Variants in DRC11 observed in about 807,000 individuals in gnomAD.
DRC11 encodes the protein dynein regulatory complex subunit 11.
At chr2:236,479,227 G>T in the DRC11 span, among the ~76,000 whole-genome samples, 1 of 152,100 alleles carries the variant, frequency 6.6e-6, no homozygotes, top group Non-Finnish European at 1.5e-5. The surrounding 1 kb of genome is among the most constrained non-coding windows in gnomAD (Gnocchi z 4.1). Context: ...GTCCATGTGT[G>T]TCTTTATAGG....
At chr2:236,435,236 T>C in the DRC11 span, among the ~76,000 whole-genome samples, 152,398 of 152,400 alleles carry the variant, frequency 1, 76,198 homozygotes, top group Middle Eastern at 1. Context: ...TTAACGAATT[T>C]CCTGTTAAAG....
chr2:236,428,954 A>G, the DRC11 span, among the ~76,000 whole-genome samples: 1 of 152,298 alleles, frequency 6.6e-6, no homozygotes, highest in East Asian at 1.9e-4. Flanking sequence ...AGTTACTGAA[A>G]GTTTATTGTG....
At chr2:236,322,132 A>C in the DRC11 span, among the ~76,000 whole-genome samples, 2 of 152,060 alleles carry the variant, frequency 1.3e-5, no homozygotes, top group African/African-American at 4.8e-5. Context: ...GTAAGAGAGA[A>C]TGCCTCTGAC....
the DRC11 span, among the ~76,000 whole-genome samples, chr2:236,468,867 G>C: frequency 6.6e-6 from 1 of 152,220 alleles, no homozygotes; most frequent in Non-Finnish European, 1.5e-5. Context: ...ACTGTATAAT[G>C]TATCATCTGA....
the DRC11 span, among the ~76,000 whole-genome samples, chr2:236,359,362 A>C: frequency 2.0e-5 from 3 of 152,138 alleles, no homozygotes; most frequent in African/African-American, 7.2e-5. This position sits in a 1 kb window ranked among gnomAD's most constrained non-coding sequence, Gnocchi z 4.3. Context: ...AATGATCACA[A>C]AATGGATTTG....
chr2:236,456,826 C>T, the DRC11 span, among the ~76,000 whole-genome samples: 1 of 152,206 alleles, frequency 6.6e-6, no homozygotes, highest in Non-Finnish European at 1.5e-5. The surrounding 1 kb of genome is among the most constrained non-coding windows in gnomAD (Gnocchi z 5.4). Flanking sequence ...AATGGCAATG[C>T]TCCACGATGG....
the DRC11 span, among the ~76,000 whole-genome samples, chr2:236,429,557 T>C: frequency 6.6e-6 from 1 of 151,824 alleles, no homozygotes; most frequent in Non-Finnish European, 1.5e-5. This position sits in a 1 kb window ranked among gnomAD's most constrained non-coding sequence, Gnocchi z 5.9. Flanking sequence ...GTGCATGCAG[T>C]GGTGGGGTTG....
At chr2:236,416,183 G>T in the DRC11 span, among the ~76,000 whole-genome samples, 4 of 152,204 alleles carry the variant, frequency 2.6e-5, no homozygotes, top group Non-Finnish European at 5.9e-5. Context: ...TGATGCAATT[G>T]CAAGAGAGCT....
At chr2:236,351,323 G>T in the DRC11 span, among the ~76,000 whole-genome samples, 16 of 152,214 alleles carry the variant, frequency 1.1e-4, no homozygotes, top group South Asian at 3.3e-3. This position sits in a 1 kb window ranked among gnomAD's most constrained non-coding sequence, Gnocchi z 7.3. Context: ...GTGGGCGGGT[G>T]GGGGGAACCA....
chr2:236,337,956 AATC>A, the DRC11 span, among the ~76,000 whole-genome samples: 566 of 152,352 alleles, frequency 3.7e-3, 3 homozygotes, highest in African/African-American at 0.013. This position sits in a 1 kb window ranked among gnomAD's most constrained non-coding sequence, Gnocchi z 4.9. Context: ...CAGGGCCAGA[AATC>A]ATAATCCTTG....
chr2:236,390,002 A>G, the DRC11 span, among the ~76,000 whole-genome samples: 2 of 152,196 alleles, frequency 1.3e-5, no homozygotes, highest in Admixed American at 1.3e-4. This position sits in a 1 kb window ranked among gnomAD's most constrained non-coding sequence, Gnocchi z 5.9. Context: ...TCTGGTCCCT[A>G]GTATTATTCA....
chr2:236,360,714 CAG>C, the DRC11 span, among the ~76,000 whole-genome samples: 1 of 152,130 alleles, frequency 6.6e-6, no homozygotes, highest in South Asian at 2.1e-4. This position sits in a 1 kb window ranked among gnomAD's most constrained non-coding sequence, Gnocchi z 5.8. Context: ...AGATGAAAAA[CAG>C]AGAACGCAGC....
At chr2:236,331,264 G>C in the DRC11 span, 1 of 906,678 alleles carries the variant, frequency 1.1e-6, no homozygotes, top group African/African-American at 1.6e-5. The surrounding 1 kb of genome is among the most constrained non-coding windows in gnomAD (Gnocchi z 4.8). Flanking sequence ...GTATATGGCC[G>C]AGTTCCAATT....
the DRC11 span, among the ~76,000 whole-genome samples, chr2:236,506,787 C>A: frequency 6.6e-6 from 1 of 152,246 alleles, no homozygotes; most frequent in Admixed American, 6.5e-5. The surrounding 1 kb of genome is among the most constrained non-coding windows in gnomAD (Gnocchi z 4.9). Context: ...TAGGCACACA[C>A]TTCTTTCAGT....
chr2:236,490,699 T>A, the DRC11 span, among the ~76,000 whole-genome samples: 1 of 152,084 alleles, frequency 6.6e-6, no homozygotes, highest in Admixed American at 6.6e-5. The surrounding 1 kb of genome is among the most constrained non-coding windows in gnomAD (Gnocchi z 5.5). Context: ...CAAACATTTT[T>A]AAGCATTTAA....
At chr2:236,310,280 T>G in the DRC11 span, among the ~76,000 whole-genome samples, 1 of 152,268 alleles carries the variant, frequency 6.6e-6, no homozygotes, top group Non-Finnish European at 1.5e-5. This position sits in a 1 kb window ranked among gnomAD's most constrained non-coding sequence, Gnocchi z 5.5. Flanking sequence ...CAAATCCAGA[T>G]GCTAAGCATT....
the DRC11 span, among the ~76,000 whole-genome samples, chr2:236,357,041 ATATAT>A: frequency 9.8e-4 from 63 of 64,524 alleles, 3 homozygotes; most frequent in East Asian, 4.8e-3. Flanking sequence ...TTATATATTC[ATATAT>A]TATATATCTA....
At chr2:236,447,844 G>C in the DRC11 span, among the ~76,000 whole-genome samples, 1 of 148,448 alleles carries the variant, frequency 6.7e-6, no homozygotes, top group Non-Finnish European at 1.5e-5. The surrounding 1 kb of genome is among the most constrained non-coding windows in gnomAD (Gnocchi z 4.6). Context: ...CTTGGACCTT[G>C]CCTGTTGCGG....
the DRC11 span, among the ~76,000 whole-genome samples, chr2:236,364,775 G>A: frequency 2.0e-5 from 3 of 152,128 alleles, no homozygotes; most frequent in Non-Finnish European, 4.4e-5. Context: ...GTTAGTTTGC[G>A]TTCTGTCACT....
Sources: gnomAD v4.1 joint callset for allele counts (sites outside exome capture counted in the v4.1 genomes callset) on GRCh38, gnomAD v4.1.1 for gene constraint, Gnocchi (gnomAD v3.1) non-coding constraint, MANE v1.5 for transcripts, NCBI Gene and HGNC (gene_info 2026-07-23, HGNC 2026-07-21) for gene names.